IL7: variants seen among roughly 807,000 people sequenced by gnomAD.
IL7 encodes the protein interleukin 7.
IL7 carries 3 observed loss-of-function variants against 21.6 expected under a neutral mutation model. The ratio of observed to expected loss-of-function variants is 0.14; its 90% confidence interval spans 0.06 to 0.36. IL7 has a LOEUF of 0.36. Among genes scored for constraint, IL7 ranks in the 10% least tolerant of loss-of-function variants. The pLI is 1.00. For missense variants in IL7, 175 were observed against 200.2 expected, an observed-to-expected ratio of 0.87 and a Z score of 0.76; for synonymous variants, 62 against 68.1, an observed-to-expected ratio of 0.91 and a Z score of 0.44.
chr8:78,709,007 A>G (rs993578756), intron 3 of IL7, among the ~76,000 whole-genome samples: 3 of 152,216 alleles, frequency 2.0e-5, no homozygotes, highest in Non-Finnish European at 4.4e-5. Context: ...TTAGAAATAC[A>G]GTGAAACACA....
At chr8:78,740,186 C>T in intron 2 of IL7, 104 bp from the exon 3 acceptor site, 2 of 661,390 alleles carry the variant, frequency 3.0e-6, no homozygotes, top group Non-Finnish European at 4.2e-6. Flanking sequence ...TTTATATGTG[C>T]ATTTTAAGGA....
intron 3 of IL7, among the ~76,000 whole-genome samples, chr8:78,703,305 G>C (rs1175458980): frequency 1.3e-5 from 2 of 152,170 alleles, no homozygotes; most frequent in African/African-American, 4.8e-5. Flanking sequence ...ATCCAGTGCT[G>C]AGTTCAGGTC....
intron 1 of IL7, among the ~76,000 whole-genome samples, chr8:78,803,516 T>A (rs1480132395): frequency 6.6e-6 from 1 of 152,226 alleles, no homozygotes; most frequent in Non-Finnish European, 1.5e-5. Context: ...TGCATTATAA[T>A]CATTATTATT....
chr8:78,719,378 C>A (rs952543025), intron 5 of IL7: 2 of 151,586 alleles, frequency 1.3e-5, no homozygotes, highest in East Asian at 3.9e-4. Context: ...AAGAAATCAT[C>A]TAGTTCCAGA....
chr8:78,680,008 T>C (rs762412960), intron 4 of IL7, among the ~76,000 whole-genome samples: 2 of 152,086 alleles, frequency 1.3e-5, no homozygotes, highest in African/African-American at 2.4e-5. Flanking sequence ...AGTCAGACTG[T>C]CTGAATTTAA....
At chr8:78,698,661 G>C in intron 3 of IL7, 1 of 474,374 alleles carries the variant, frequency 2.1e-6, no homozygotes, top group Admixed American at 4.2e-5. Context: ...CACACTCACT[G>C]CTGTTGAGTA....
chr8:78,692,262 G>A (rs979670033), intron 3 of IL7, among the ~76,000 whole-genome samples: 2 of 152,014 alleles, frequency 1.3e-5, no homozygotes, highest in African/African-American at 4.8e-5. Context: ...CATTGTTTTA[G>A]ATTCTACATG....
At chr8:78,698,317 A>G (rs908308086) in intron 3 of IL7, 2 of 1,009,092 alleles carry the variant, frequency 2.0e-6, no homozygotes, top group African/African-American at 1.6e-5. Context: ...TTATAGTTGC[A>G]AAGATTATTA....
At chr8:78,774,063 C>T (rs192806664) in intron 2 of IL7, among the ~76,000 whole-genome samples, 1 of 152,096 alleles carries the variant, frequency 6.6e-6, no homozygotes, top group African/African-American at 2.4e-5. Context: ...TCTACATTTT[C>T]TACCAAAAGA....
intron 2 of IL7, chr8:78,761,556 C>G: frequency 1.9e-6 from 3 of 1,611,916 alleles, no homozygotes; most frequent in Non-Finnish European, 2.5e-6. Context: ...ATAAATTCCT[C>G]TCTTAGGTTA....
chr8:78,764,624 A>C (rs566716046), intron 2 of IL7, among the ~76,000 whole-genome samples: 1 of 152,122 alleles, frequency 6.6e-6, no homozygotes, highest in East Asian at 1.9e-4. Context: ...ATCTAAAAAA[A>C]AATGTCCAAA....
intron 4 of IL7, chr8:78,678,824 G>C: frequency 2.1e-6 from 1 of 475,228 alleles, no homozygotes. Context: ...TGTGTTATAT[G>C]TTCAGTTTAG....
chr8:78,751,361 G>A (rs1482076534), intron 2 of IL7, among the ~76,000 whole-genome samples: 1 of 152,170 alleles, frequency 6.6e-6, no homozygotes, highest in Non-Finnish European at 1.5e-5. Flanking sequence ...AAAATGTTAA[G>A]AGTAAAAAAC....
intron 2 of IL7, among the ~76,000 whole-genome samples, chr8:78,777,109 A>G (rs1403735363): frequency 6.6e-6 from 1 of 152,142 alleles, no homozygotes. Context: ...CAATGTCTTC[A>G]TCGGTTGTCT....
At chr8:78,720,232 A>G (rs998256373) in intron 5 of IL7, among the ~76,000 whole-genome samples, 3 of 151,812 alleles carry the variant, frequency 2.0e-5, no homozygotes, top group Non-Finnish European at 4.4e-5. Context: ...AGCTCTGGAG[A>G]TGAAAAAATA....
chr8:78,751,978 C>A (rs1260559579), intron 2 of IL7, among the ~76,000 whole-genome samples: 1 of 152,114 alleles, frequency 6.6e-6, no homozygotes, highest in Non-Finnish European at 1.5e-5. Context: ...CTTCCATGAA[C>A]TCAATTATGT....
chr8:78,684,616 C>T (rs572250161), intron 4 of IL7, among the ~76,000 whole-genome samples: 11 of 151,950 alleles, frequency 7.2e-5, no homozygotes, highest in Non-Finnish European at 1.5e-4. Flanking sequence ...CTGGAAAACC[C>T]GAGAATTAAG....
At chr8:78,767,287 G>A (rs1812786548) in intron 2 of IL7, among the ~76,000 whole-genome samples, 1 of 152,006 alleles carries the variant, frequency 6.6e-6, no homozygotes, top group Non-Finnish European at 1.5e-5. Flanking sequence ...GTGTGTGTGT[G>A]TGAGTGTGAA....
At chr8:78,769,982 A>T (rs1024642035) in intron 2 of IL7, among the ~76,000 whole-genome samples, 3 of 152,220 alleles carry the variant, frequency 2.0e-5, no homozygotes, top group Admixed American at 2.0e-4. Flanking sequence ...GGCTAGCCAT[A>T]TGTAGAAAGC....
Sources: allele counts gnomAD v4.1 joint callset (sites outside exome capture counted in the v4.1 genomes callset), GRCh38; gene constraint gnomAD v4.1.1; transcripts MANE v1.5; gene names NCBI Gene and HGNC (gene_info 2026-07-23, HGNC 2026-07-21).